The following MXRA5 variants were observed in gnomAD, a reference collection of about 807,000 sequenced individuals.
MXRA5 encodes matrix-remodeling-associated protein 5.
Under a neutral mutation model 112.5 loss-of-function variants are expected in MXRA5, and 41 were observed. That is an observed-to-expected ratio of 0.36 (90% CI 0.28 to 0.47). The LOEUF (loss-of-function observed/expected upper bound fraction) is 0.47. Ranked by LOEUF, MXRA5 falls within the 20% of genes least tolerant of loss-of-function variation. The pLI, the probability that MXRA5 is intolerant of heterozygous loss-of-function variation, is 0.99. For synonymous variants in MXRA5, 862 were observed against 900.8 expected, an observed-to-expected ratio of 0.96 and a Z score of 0.77; for missense variants, 2,150 against 2,251.0, an observed-to-expected ratio of 0.96 and a Z score of 0.91.
At chrX:3,345,925 T>G (rs925084674) in intron 1 of MXRA5, among the ~76,000 whole-genome samples, 22 of 112,847 alleles carry the variant, frequency 1.9e-4, no homozygotes, top group African/African-American at 6.7e-4. Flanking sequence ...GCGTGATGAC[T>G]GTCCCGGTTT....
intron 5 of MXRA5, 47 bp from the exon 6 acceptor site, chrX:3,318,050 T>A (rs376883509): frequency 5.7e-6 from 6 of 1,053,469 alleles, no homozygotes; most frequent in Non-Finnish European, 7.7e-6. Flanking sequence ...TGTGCCCTTT[T>A]GATAATGCTC....
Position 3,330,321 on chromosome X carries a change from G to A in MXRA5, c.406C>T (p.His136Tyr), listed in dbSNP as rs1308508075. Reference sequence around the variant, plus strand: ...GGGTGGATAAACTCGATCTTGTTGTGGTCAATGTGCAGCCTCATTAAGTTA... The same window carrying A: ...GGGTGGATAAACTCGATCTTGTTGTAGTCAATGTGCAGCCTCATTAAGTTA... Reference protein sequence around the residue: ...LSNLMRLHIDHNKIEFIHPQA... With the variant: ...LSNLMRLHIDYNKIEFIHPQA... Residue 136 changes from histidine (H) to tyrosine (Y), a missense_variant, in exon 4 of 7, where the codon CAC (histidine) becomes TAC (tyrosine). Physicochemically the swap from His to Tyr is moderately conservative, Grantham distance 83. This residue lies in a region of MXRA5 where 386 missense variants were observed against 411.0 expected (regional missense o/e 0.94). Transcript: ENST00000217939. 1 of 1,210,839 alleles carries A rather than the reference G, an allele frequency of 8.3e-7. No homozygotes were observed. Among genetic ancestry groups the A allele is most frequent in the Non-Finnish European group, 1.1e-6 (1 of 895,042 alleles).
In MXRA5 at chrX:3,310,528, T is replaced by G. The variant is rs1170775995; in HGVS notation, c.7675A>C (p.Thr2559Pro). Residue 2559 changes from threonine to proline, a missense_variant, in exon 7 of 7, where the codon ACC becomes CCC. Coordinates refer to ENST00000217939, the MANE Select transcript of MXRA5 (RefSeq NM_015419.4). Reference protein sequence around the residue: ...SEKITAMAGHTISLNCSAAGT... With the variant: ...SEKITAMAGHPISLNCSAAGT... Reference sequence around the variant, plus strand: ...GCGGCAGAGCAGTTGAGGCTGATGGTGTGGCCCGCCATGGCCGTGATCTTC... The same window carrying G: ...GCGGCAGAGCAGTTGAGGCTGATGGGGTGGCCCGCCATGGCCGTGATCTTC... The G allele has an allele frequency of 1.7e-6, 2 of 1,191,525 alleles. No homozygotes were observed. Among genetic ancestry groups the G allele is most frequent in the Non-Finnish European group, 2.3e-6 (2 of 887,375 alleles).
chrX:3,320,194 G>T lies in MXRA5; in HGVS notation c.5491C>A (p.Gln1831Lys). Residue 1831 changes from glutamine (Q) to lysine (K), a missense_variant, in exon 5 of 7, where the codon CAG becomes AAG. Gln to Lys is a moderately conservative substitution (Grantham distance 53). Transcript: ENST00000217939. ...CCTGCAAAGAACTTTGAGCTGCTCT[G>T]GTGGAAGCTTCCTGAGGACTGGACA... ...SSVQSSGSFH[Q>K]SSSKFFAGGP... 8.3e-7 allele frequency: 1 copy of T among 1,211,189 alleles called. No individual in the cohort carries two copies. The highest frequency in any genetic ancestry group is 1.1e-6 in the Non-Finnish European group (1 of 895,407).
At chrX:3,319,478 C>G (rs777482416) in intron 5 of MXRA5, among the ~76,000 whole-genome samples, 1 of 112,923 alleles carries the variant, frequency 8.9e-6, no homozygotes, top group East Asian at 2.8e-4. Flanking sequence ...CTCGGGCTAG[C>G]TGGCTGCATG....
In MXRA5 at chrX:3,323,149, G is replaced by A; in HGVS notation, c.2536C>T (p.Pro846Ser). Residue 846 changes from proline (P) to serine (S), a missense_variant, in exon 5 of 7, where the codon CCT becomes TCT. Transcript: ENST00000217939. The part of the protein sequence containing the change: ...TSAEESSADV[P>S]LLGEEEHVLG... Reference sequence around the variant, plus strand: ...ACGTGCTCTTCTTCACCAAGTAGAGGTACATCTGCTGAGGATTCTTCAGCA... The same window carrying A: ...ACGTGCTCTTCTTCACCAAGTAGAGATACATCTGCTGAGGATTCTTCAGCA... 2.5e-6 allele frequency: 3 copies of A among 1,211,449 alleles called. No homozygotes were observed. The highest frequency in any genetic ancestry group is 1.8e-5 in the South Asian group (1 of 56,960).
chrX:3,309,864 T>C lies in MXRA5; in HGVS notation c.8339A>G (p.Gln2780Arg), dbSNP rs1380129109. The change falls in exon 7 of 7, where the codon CAG (glutamine) becomes CGG (arginine). Residue 2780 changes from glutamine (Q) to arginine (R), a missense_variant. Around this residue, in one of 6 missense-constraint regions of MXRA5, gnomAD observed 178 missense variants for 198.2 expected, o/e 0.90. Transcript: ENST00000217939. ...PDKSHLKAGV[Q>R]ARLYGNRFLH... is the part of the protein sequence containing the mutation. ...AAATCTGTTTCCATACAGACGAGCC[T>C]GAACCCCTGCCTTCAGATGCGACTT... is the stretch of plus-strand genomic sequence containing the variant. 2 of 1,211,810 alleles carry C rather than the reference T, an allele frequency of 1.7e-6. No individual in the cohort carries two copies. The highest frequency in any genetic ancestry group is 1.1e-6 in the Non-Finnish European group (1 of 895,546).
In MXRA5 at chrX:3,317,926, G is replaced by A; in HGVS notation, c.5755C>T (p.Gln1919Ter). 1 of 1,211,174 alleles carries A rather than the reference G, an allele frequency of 8.3e-7. No individual in the cohort carries two copies. The highest frequency in any genetic ancestry group is 1.8e-5 in the South Asian group (1 of 56,933). ...KNGTLVIRKVQVQDRGQYMCT... is the reference protein window; with the variant it reads ...KNGTLVIRKV Reference sequence around the variant, plus strand: ...ATATACTGGCCTCGATCTTGTACTTGAACCTTCCGTATCACTAAGGTACCG... The same window carrying A: ...ATATACTGGCCTCGATCTTGTACTTAAACCTTCCGTATCACTAAGGTACCG... Residue 1919 changes from glutamine (Q) to a stop codon, truncating the protein, a stop_gained, in exon 6 of 7, where the codon CAA becomes TAA. Coordinates refer to ENST00000217939, the MANE Select transcript of MXRA5 (RefSeq NM_015419.4). LOFTEE classifies it high-confidence loss of function.
rs770941541 is a variant in MXRA5 at position 3,324,911 on chromosome X, A to T, written c.774T>A (p.Ser258Arg). 14 of 1,206,749 alleles carry T rather than the reference A, an allele frequency of 1.2e-5. No homozygotes were observed. The highest frequency in any genetic ancestry group is 1.6e-5 in the Non-Finnish European group (14 of 894,321). Residue 258 changes from serine to arginine, a missense_variant, in exon 5 of 7, where the codon AGT (serine) becomes AGA (arginine). Ser to Arg is a moderately radical substitution (Grantham distance 110). Transcript: ENST00000217939. ...TCTCATGTTTGTACAACTTCTTTGGACTGAAGCACATTGCACACAACTGAC... is the reference window on the plus strand; with the variant it reads ...TCTCATGTTTGTACAACTTCTTTGGTCTGAAGCACATTGCACACAACTGAC... ...EGGQLCAMCFSPKKLYKHEIH... is the reference protein window; with the variant it reads ...EGGQLCAMCFRPKKLYKHEIH...
At chrX:3,338,070 C>T (rs1171516871) in intron 2 of MXRA5, among the ~76,000 whole-genome samples, 10 of 111,206 alleles carry the variant, frequency 9.0e-5, no homozygotes, top group African/African-American at 2.3e-4. Flanking sequence ...ACTGGCCAAC[C>T]GACCAATGGA....
At position 3,324,964 on chromosome X, in the gene MXRA5, A is replaced by G. The variant is rs770019918; in HGVS notation, c.721T>C (p.Cys241Arg). 8.5e-7 allele frequency: 1 copy of G among 1,171,339 alleles called. No individual in the cohort carries two copies. The highest frequency in any genetic ancestry group is 1.1e-6 in the Non-Finnish European group (1 of 878,334). Residue 241 changes from cysteine (C) to arginine (R), a missense_variant, in exon 5 of 7, where the codon TGT becomes CGT. Cys to Arg is a radical substitution (Grantham distance 180). Coordinates refer to ENST00000217939, the MANE Select transcript of MXRA5 (RefSeq NM_015419.4). ...CCTTCATAAGCTTTGTCCTTTTTACACTTCAGAATTCCTAAAACAAATAAG... is the reference window on the plus strand; with the variant it reads ...CCTTCATAAGCTTTGTCCTTTTTACGCTTCAGAATTCCTAAAACAAATAAG... ...WDAKSRGILKCKKDKAYEGGQ... is the reference protein window; with the variant it reads ...WDAKSRGILKRKKDKAYEGGQ...
At chrX:3,333,707 T>C (rs964884156) in intron 2 of MXRA5, among the ~76,000 whole-genome samples, 9 of 111,752 alleles carry the variant, frequency 8.1e-5, no homozygotes, top group East Asian at 2.8e-4. Flanking sequence ...CATGGAATCA[T>C]GGTGCAAAAC....
Position 3,311,190 on chromosome X carries a change from C to T in MXRA5, c.7013G>A (p.Arg2338Lys). 8.3e-7 allele frequency: 1 copy of T among 1,211,976 alleles called. No individual in the cohort carries two copies. Among genetic ancestry groups the T allele is most frequent in the Non-Finnish European group, 1.1e-6 (1 of 895,599 alleles). Reference sequence around the variant, plus strand: ...GGCGGGCGCTGTCACCACCTTGACTCTGACTCTCATCTCGTCCTTCCCGAC... The same window carrying T: ...GGCGGGCGCTGTCACCACCTTGACTTTGACTCTCATCTCGTCCTTCCCGAC... The part of the protein sequence containing the change: ...NQVGKDEMRV[R>K]VKVVTAPATI... Residue 2338 changes from arginine to lysine, a missense_variant, in exon 7 of 7, where the codon AGA becomes AAA. Arg to Lys is a conservative substitution (Grantham distance 26). Coordinates refer to ENST00000217939, the MANE Select transcript of MXRA5 (RefSeq NM_015419.4).
Position 3,320,732 on chromosome X carries a change from A to G in MXRA5, c.4953T>C (p.Tyr1651=), listed in dbSNP as rs1233108136. The change falls in exon 5 of 7, where the codon TAT becomes TAC. Residue 1651 remains tyrosine, a synonymous_variant. Coordinates refer to ENST00000217939, the MANE Select transcript of MXRA5 (RefSeq NM_015419.4). The part of the protein sequence containing the change: ...HWTNKPEITT[Y]PSGALPENKQ... The stretch of plus-strand genomic sequence containing the variant: ...TGTTCTCTGGCAAAGCCCCAGAAGG[A>G]TATGTAGTTATTTCCGGTTTGTTGG... 1 of 1,210,099 alleles carries G rather than the reference A, an allele frequency of 8.3e-7. No homozygotes were observed. The highest frequency in any genetic ancestry group is 3.0e-5 in the East Asian group (1 of 33,772).
intron 5 of MXRA5, among the ~76,000 whole-genome samples, chrX:3,319,683 G>A (rs1635244): frequency 0.48 from 52,935 of 110,368 alleles, 9,623 homozygotes; most frequent in Non-Finnish European, 0.58. Flanking sequence ...AGAGAGGGAG[G>A]GGTGGCAAGG....
At chrX:3,328,560 T>C (rs2146926725) in intron 4 of MXRA5, among the ~76,000 whole-genome samples, 1 of 111,067 alleles carries the variant, frequency 9.0e-6, no homozygotes, top group South Asian at 3.8e-4. Flanking sequence ...AGAGAGTGAA[T>C]GGAAAACAGG....
At position 3,311,163 on chromosome X, in the gene MXRA5, G is replaced by A; in HGVS notation, c.7040C>T (p.Thr2347Ile). 8.3e-7 allele frequency: 1 copy of A among 1,211,604 alleles called. No homozygotes were observed. The highest frequency in any genetic ancestry group is 1.8e-5 in the South Asian group (1 of 56,974). ...VRVKVVTAPATIRNKTYLAVQ... is the reference protein window; with the variant it reads ...VRVKVVTAPAIIRNKTYLAVQ... ...CGCCAAGTAAGTCTTGTTCCGGATGGTGGCGGGCGCTGTCACCACCTTGAC... is the reference window on the plus strand; with the variant it reads ...CGCCAAGTAAGTCTTGTTCCGGATGATGGCGGGCGCTGTCACCACCTTGAC... Residue 2347 changes from threonine to isoleucine, a missense_variant, in exon 7 of 7, where the codon ACC becomes ATC. By Grantham distance (89) the Thr-to-Ile change is moderately conservative. Around this residue, in one of 6 missense-constraint regions of MXRA5, gnomAD observed 1,485 missense variants for 1,471.6 expected, o/e 1.01. Coordinates refer to ENST00000217939, the MANE Select transcript of MXRA5 (RefSeq NM_015419.4).
In MXRA5 at chrX:3,310,016, G is replaced by A. The variant is rs147322437; in HGVS notation, c.8187C>T (p.Ile2729=). ...CGCTGGTGATCCGGGGAGGATAGGCGATCACAATCACGGGGATGCTGGTGA... is the reference window on the plus strand; with the variant it reads ...CGCTGGTGATCCGGGGAGGATAGGCAATCACAATCACGGGGATGCTGGTGA... ...PSVTSIPVIV[I]AYPPRITSEP... is the part of the protein sequence containing the mutation. The change falls in exon 7 of 7, where the codon ATC becomes ATT. Residue 2729 remains isoleucine (I), a synonymous_variant. Transcript: ENST00000217939. 19 of 1,211,382 alleles carry A rather than the reference G, an allele frequency of 1.6e-5. No homozygotes were observed. The highest frequency in any genetic ancestry group is 1.5e-4 in the East Asian group (5 of 33,798).
chrX:3,338,453 T>C (rs1349030140), intron 2 of MXRA5, among the ~76,000 whole-genome samples: 1 of 110,877 alleles, frequency 9.0e-6, no homozygotes, highest in East Asian at 2.8e-4. Context: ...GATAGATAGA[T>C]AATATATAGC....
Sources: allele counts gnomAD v4.1 joint callset (sites outside exome capture counted in the v4.1 genomes callset), GRCh38; gene constraint gnomAD v4.1.1; regional missense constraint gnomAD v4.1.1; transcripts MANE v1.5; gene names NCBI Gene and HGNC (gene_info 2026-07-23, HGNC 2026-07-21).